The following DSC3 variants were observed in gnomAD, a reference collection of about 807,000 sequenced individuals.
DSC3 encodes the protein desmocollin 3.
In DSC3, 97 loss-of-function variants were observed where a neutral mutation model predicts 89.5. That is an observed-to-expected ratio of 1.08 (90% confidence interval 0.92 to 1.28). The LOEUF is 1.28. DSC3 is among the 50% of genes most tolerant of loss of function. The pLI is 0.00. For synonymous variants in DSC3, 436 were observed against 384.1 expected, an observed-to-expected ratio of 1.14 and a Z score of -1.58; for missense variants, 1,199 against 1,085.3, an observed-to-expected ratio of 1.10 and a Z score of -1.47.
intron 4 of DSC3, among the ~76,000 whole-genome samples, chr18:31,026,340 C>T (rs778347258): frequency 2.6e-5 from 4 of 151,948 alleles, no homozygotes; most frequent in Non-Finnish European, 4.4e-5. Context: ...TTGGAGAATT[C>T]GAGGATGCTG....
Position 31,031,098 on chromosome 18 carries a change from C to A in DSC3, c.229G>T (p.Gly77Trp). The A allele has an allele frequency of 6.2e-7, 1 of 1,613,816 alleles. No homozygotes were observed. The highest frequency in any genetic ancestry group is 8.5e-7 in the Non-Finnish European group (1 of 1,179,922). The change falls in exon 3 of 16, where the codon GGG (glycine) becomes TGG (tryptophan). Residue 77 changes from glycine (G) to tryptophan (W), a missense_variant. Physicochemically the swap from Gly to Trp is radical, Grantham distance 184. Transcript: ENST00000360428. ...ACAGCCCTGGCTGTGTACACTGACC[C>A]ATCATTTAGAACTCTGAAATCAGGA... ...SDPDFRVLND[G>W]SVYTARAVAL...
At chr18:31,011,611 T>C (rs1312309262) in intron 9 of DSC3, among the ~76,000 whole-genome samples, 1 of 152,176 alleles carries the variant, frequency 6.6e-6, no homozygotes, top group African/African-American at 2.4e-5. Flanking sequence ...ATTAGGTACA[T>C]AGCCTACATG....
intron 9 of DSC3, among the ~76,000 whole-genome samples, chr18:31,016,211 G>A (rs1985231392): frequency 6.6e-6 from 1 of 152,172 alleles, no homozygotes; most frequent in South Asian, 2.1e-4. Flanking sequence ...AATACAGCTA[G>A]CCAGCAATCC....
At chr18:31,036,649 T>C (rs913608065) in intron 1 of DSC3, among the ~76,000 whole-genome samples, 2 of 152,052 alleles carry the variant, frequency 1.3e-5, no homozygotes, top group African/African-American at 2.4e-5. Context: ...TCTGTAAAAA[T>C]TTATTTTAGG....
intron 7 of DSC3, among the ~76,000 whole-genome samples, chr18:31,020,197 C>A (rs1303480306): frequency 6.6e-6 from 1 of 152,044 alleles, no homozygotes; most frequent in Non-Finnish European, 1.5e-5. Context: ...ACCCAGAAAT[C>A]ATCAGTATCT....
At chr18:31,034,498 A>C (rs1985908072) in intron 1 of DSC3, among the ~76,000 whole-genome samples, 1 of 152,182 alleles carries the variant, frequency 6.6e-6, no homozygotes, top group Admixed American at 6.5e-5. Flanking sequence ...TTAAACGTAA[A>C]CCTATATGAT....
intron 13 of DSC3, among the ~76,000 whole-genome samples, chr18:31,003,578 C>T (rs952022041): frequency 5.3e-5 from 8 of 152,210 alleles, no homozygotes; most frequent in Non-Finnish European, 1.2e-4. Context: ...CCCCAGGTCA[C>T]ATGGCTTACA....
At chr18:31,032,785 G>A (rs903953913) in intron 1 of DSC3, among the ~76,000 whole-genome samples, 1 of 152,162 alleles carries the variant, frequency 6.6e-6, no homozygotes, top group South Asian at 2.1e-4. Flanking sequence ...TAGTAGGGAT[G>A]GGGTTTCACC....
Position 31,001,648 on chromosome 18 carries a change from T to A in DSC3, c.2205A>T (p.Ser735=). 1.9e-6 allele frequency: 3 copies of A among 1,611,446 alleles called. No individual in the cohort carries two copies. The highest frequency in any genetic ancestry group is 2.5e-6 in the Non-Finnish European group (3 of 1,178,522). The change falls in exon 14 of 16, where the codon TCA becomes TCT. Residue 735 remains serine (S), a synonymous_variant. Transcript: ENST00000360428. Reference sequence around the variant, plus strand: ...TATCGTCTCCAGGTGCTTCTGTGTTTGATATAATTAAGTTTTGCTGTGCTA... The same window carrying A: ...TATCGTCTCCAGGTGCTTCTGTGTTAGATATAATTAAGTTTTGCTGTGCTA... ...EDLAQQNLII[S]NTEAPGDDRV...
In DSC3 at chr18:31,003,138, A is replaced by G. The variant is rs534150116; in HGVS notation, c.2113+1004T>C. ...CCTGGCTCTTTCACCTCTTCCAAAAATCATTAAAAATAATCTTCTCAGACC... is the reference window on the plus strand; with the variant it reads ...CCTGGCTCTTTCACCTCTTCCAAAAGTCATTAAAAATAATCTTCTCAGACC... On this transcript the variant is annotated intron_variant, in intron 13 of 15. Coordinates refer to ENST00000360428, the MANE Select transcript of DSC3 (RefSeq NM_001941.5). 5.3e-5 allele frequency among the ~76,000 whole-genome samples: 8 copies of G among 151,768 alleles called. No individual in the cohort carries two copies. The South Asian group carries it at 1.4e-3, about 28-fold the overall frequency.
chr18:31,004,077 A>C lies in DSC3; in HGVS notation c.2113+65T>G. 4.7e-6 allele frequency: 6 copies of C among 1,287,070 alleles called. No homozygotes were observed. The South Asian group carries it at 7.6e-5, about 16-fold the overall frequency. The allele number at this position is 1,287,070 out of a possible 1,614,324, so 79.7% of individuals were successfully genotyped here. ...ATGCTTGGACGAGATTATTTTTTAA[A>C]CATCTTTTCCCACACCTAGATTTTT... On this transcript the variant is annotated intron_variant, in intron 13 of 15. Coordinates refer to ENST00000360428, the MANE Select transcript of DSC3 (RefSeq NM_001941.5).
At position 31,036,398 on chromosome 18, in the gene DSC3, T is replaced by A. The variant is rs547550266; in HGVS notation, c.70-4122A>T. On this transcript the variant is annotated intron_variant, in intron 1 of 15. Coordinates refer to ENST00000360428, the MANE Select transcript of DSC3 (RefSeq NM_001941.5). ...ATCACTTATCTATTGTTTGTGCTTG[T>A]TAAATTTTTTTCTTGTAGGTTTACT... is the stretch of plus-strand genomic sequence containing the variant. Among the ~76,000 whole-genome samples the A allele has an allele frequency of 1.7e-4, 26 of 152,302 alleles. 1 individual carries two copies. In the South Asian group the frequency reaches 3.7e-3, roughly 22 times the overall value.
intron 13 of DSC3, among the ~76,000 whole-genome samples, chr18:31,003,126 C>G (rs1276895948): frequency 2.0e-5 from 3 of 150,676 alleles, no homozygotes; most frequent in African/African-American, 7.5e-5. Flanking sequence ...GGCTCTTTCA[C>G]CTCTTCCAAA....
At chr18:31,030,212 C>A (rs1050355987) in intron 3 of DSC3, among the ~76,000 whole-genome samples, 3 of 152,170 alleles carry the variant, frequency 2.0e-5, no homozygotes, top group Non-Finnish European at 4.4e-5. Flanking sequence ...GCTGTCATAT[C>A]AAACAGTGCA....
chr18:31,017,500 A>T (rs79279501), intron 9 of DSC3, among the ~76,000 whole-genome samples: 5,472 of 152,308 alleles, frequency 0.036, 141 homozygotes, highest in Non-Finnish European at 0.051. Context: ...AACAAAAAAT[A>T]AGTTCATTCA....
chr18:31,034,617 C>T (rs1985912224), intron 1 of DSC3, among the ~76,000 whole-genome samples: 1 of 152,068 alleles, frequency 6.6e-6, no homozygotes, highest in African/African-American at 2.4e-5. Context: ...AAAGTGAAAA[C>T]AATCCATACA....
chr18:30,997,989 A>G (rs748043589), intron 14 of DSC3, among the ~76,000 whole-genome samples: 6 of 152,244 alleles, frequency 3.9e-5, no homozygotes, highest in African/African-American at 7.2e-5. Flanking sequence ...ATAAAAGGCC[A>G]TAAGATATAA....
rs548869855 is a variant in DSC3 at position 30,992,274 on chromosome 18, T to C, written c.*1901A>G. 1 of 151,754 alleles carries C rather than the reference T, an allele frequency of 6.6e-6. No homozygotes were observed. The highest frequency in any genetic ancestry group is 2.1e-4 in the South Asian group (1 of 4,820). 9.4% of individuals were successfully genotyped at this position (151,754 alleles called of 1,614,324 possible). On this transcript the variant is annotated 3_prime_UTR_variant, in exon 16 of 16. Transcript: ENST00000360428. ...TGTAGGAATAAATCAGAATTTTAGA[T>C]AGGCATTTAATTCATAGACCTTCTT...
chr18:31,000,819 C>T (rs986599754), intron 14 of DSC3, among the ~76,000 whole-genome samples: 2 of 151,862 alleles, frequency 1.3e-5, no homozygotes, highest in Non-Finnish European at 2.9e-5. Context: ...TACATGAGTA[C>T]ATTTAGGTAT....
Sources: allele counts gnomAD v4.1 joint callset (sites outside exome capture counted in the v4.1 genomes callset), GRCh38; gene constraint gnomAD v4.1.1; transcripts MANE v1.5; gene names NCBI Gene and HGNC (gene_info 2026-07-23, HGNC 2026-07-21).